PARN: variants seen among roughly 807,000 people sequenced by gnomAD.
PARN encodes the protein poly(A)-specific ribonuclease, also known as poly(A)-specific ribonuclease PARN.
A neutral mutation model predicts 102.8 loss-of-function variants in PARN; 71 were observed. The ratio of observed to expected loss-of-function variants is 0.69; its 90% CI spans 0.57 to 0.84. The LOEUF is 0.84. Among genes scored for constraint, PARN ranks in the 40% least tolerant of loss-of-function variants. PARN has a pLI of 0.00. For synonymous variants in PARN, 261 were observed against 252.9 expected (o/e 1.03, Z -0.30); for missense variants, 782 against 760.9 (o/e 1.03, Z -0.33).
At chr16:14,587,840 T>C (rs935481273) in intron 13 of PARN, among the ~76,000 whole-genome samples, 1 of 152,256 alleles carries the variant, frequency 6.6e-6, no homozygotes, top group African/African-American at 2.4e-5. Context: ...TTGCTCTTTC[T>C]ACCAGAATTT....
At position 14,604,214 on chromosome 16, in the gene PARN, T is replaced by C. The variant is rs369822304; in HGVS notation, c.715A>G (p.Ile239Val). The C allele has an allele frequency of 1.3e-6, 2 of 1,585,258 alleles. No individual in the cohort carries two copies. The highest frequency in any genetic ancestry group is 1.7e-6 in the Non-Finnish European group (2 of 1,160,564). ...TCTTCATCTACTTTGCTGATAACTATATATCGCTCCTTCTAAAAGACATAA... is the reference window on the plus strand; with the variant it reads ...TCTTCATCTACTTTGCTGATAACTACATATCGCTCCTTCTAAAAGACATAA... ...TLETEKKERY[I>V]VISKVDEEER... The change falls in exon 11 of 24, where the codon ATA becomes GTA. Residue 239 changes from isoleucine to valine, a missense_variant. Coordinates refer to ENST00000437198, the MANE Select transcript of PARN (RefSeq NM_002582.4).
chr16:14,453,081 A>G (rs1315745500), intron 22 of PARN, among the ~76,000 whole-genome samples: 1 of 152,214 alleles, frequency 6.6e-6, no homozygotes, highest in African/African-American at 2.4e-5. Flanking sequence ...ACAATCTCCC[A>G]TTTGTATGAC....
intron 6 of PARN, among the ~76,000 whole-genome samples, chr16:14,613,664 T>C (rs747107994): frequency 3.9e-5 from 6 of 151,970 alleles, no homozygotes; most frequent in Non-Finnish European, 7.4e-5. Flanking sequence ...AAGGAATTTG[T>C]AGAAAGAACA....
intron 9 of PARN, 157 bp downstream of exon 9, chr16:14,608,124 A>G (rs903242227): frequency 1.6e-6 from 1 of 642,072 alleles, no homozygotes; most frequent in Admixed American, 3.3e-5. Flanking sequence ...AAAGAAAATT[A>G]AGTGAGTATT....
At chr16:14,495,975 G>C (rs986887767) in intron 21 of PARN, among the ~76,000 whole-genome samples, 5 of 152,214 alleles carry the variant, frequency 3.3e-5, no homozygotes, top group African/African-American at 1.2e-4. Flanking sequence ...AAGACAGGAA[G>C]AGCAGAAGAG....
At chr16:14,512,512 C>G (rs921981068) in intron 21 of PARN, among the ~76,000 whole-genome samples, 2 of 152,048 alleles carry the variant, frequency 1.3e-5, no homozygotes, top group African/African-American at 4.8e-5. Flanking sequence ...AAAATCATCT[C>G]ACCCAACCTG....
rs533513903 is a variant in PARN, at chr16:14,588,258, C to CA, written c.919-1898dup. Among the ~76,000 whole-genome samples, 267 of 152,288 alleles carry CA rather than the reference C, an allele frequency of 1.8e-3. 3 individuals are homozygous for CA. Among genetic ancestry groups the CA allele is most frequent in the African/African-American group, 6.2e-3 (258 of 41,576 alleles). On this transcript the variant is annotated intron_variant, in intron 13 of 23. Transcript: ENST00000437198. ...AGCACCTCTTAGGGAACAAATAAGTCAGTCTTGGAAAAAGGAGAGCAACAA... is the reference window on the plus strand; with the variant it reads ...AGCACCTCTTAGGGAACAAATAAGTCAAGTCTTGGAAAAAGGAGAGCAACAA...
intron 5 of PARN, among the ~76,000 whole-genome samples, chr16:14,625,948 T>C (rs577250592): frequency 2.0e-5 from 3 of 152,272 alleles, no homozygotes; most frequent in Admixed American, 6.5e-5. Flanking sequence ...ATTCTCCTTA[T>C]CCATTACAAC....
chr16:14,441,794 A>C (rs1960953137), intron 23 of PARN, among the ~76,000 whole-genome samples: 1 of 152,210 alleles, frequency 6.6e-6, no homozygotes, highest in Admixed American at 6.5e-5. Flanking sequence ...CTGGTCTCTC[A>C]GGTGACCGAC....
At chr16:14,571,507 A>G (rs1968810078) in intron 18 of PARN, among the ~76,000 whole-genome samples, 1 of 152,098 alleles carries the variant, frequency 6.6e-6, no homozygotes, top group Non-Finnish European at 1.5e-5. Flanking sequence ...TTTTTGCGGG[A>G]GGTCTCCTCT....
At chr16:14,488,487 G>A (rs1370259025) in intron 21 of PARN, among the ~76,000 whole-genome samples, 2 of 152,174 alleles carry the variant, frequency 1.3e-5, no homozygotes, top group Non-Finnish European at 2.9e-5. Context: ...ACATTCAACT[G>A]ACAGGATTAG....
At chr16:14,508,477 A>C (rs1294844073) in intron 21 of PARN, among the ~76,000 whole-genome samples, 2 of 152,200 alleles carry the variant, frequency 1.3e-5, no homozygotes, top group African/African-American at 4.8e-5. Flanking sequence ...GATTTTTGTT[A>C]TTATAGTGAC....
At chr16:14,600,015 G>T in intron 11 of PARN, 55 bp from the exon 12 acceptor site, 2 of 1,013,328 alleles carry the variant, frequency 2.0e-6, no homozygotes, top group Non-Finnish European at 2.8e-6. Flanking sequence ...TTCCTTATGT[G>T]AATTAAAAAA....
At chr16:14,455,828 G>A (rs895324694) in intron 22 of PARN, among the ~76,000 whole-genome samples, 36 of 152,148 alleles carry the variant, frequency 2.4e-4, no homozygotes, top group Admixed American at 7.9e-4. Context: ...CTGAAATGAC[G>A]ACCTTAATCT....
intron 21 of PARN, among the ~76,000 whole-genome samples, chr16:14,520,694 T>C (rs1596562881): frequency 6.8e-6 from 1 of 146,748 alleles, no homozygotes; most frequent in African/African-American, 2.5e-5. Flanking sequence ...AGTGAAACCC[T>C]GTCTCAAAAA....
chr16:14,608,412 A>G (rs1408549414), intron 8 of PARN, 93 bp from the exon 9 acceptor site: 1 of 819,322 alleles, frequency 1.2e-6, no homozygotes, highest in Non-Finnish European at 2.0e-6. Context: ...CGCTTTAAAA[A>G]GAGACTTCAT....
intron 5 of PARN, among the ~76,000 whole-genome samples, chr16:14,623,464 A>C (rs1012221505): frequency 5.9e-5 from 9 of 151,864 alleles, no homozygotes; most frequent in African/African-American, 2.2e-4. Context: ...TGGTGAGCCA[A>C]GATCGCACCA....
intron 21 of PARN, among the ~76,000 whole-genome samples, chr16:14,543,881 G>A (rs1170326915): frequency 6.6e-6 from 1 of 152,160 alleles, no homozygotes; most frequent in Non-Finnish European, 1.5e-5. Flanking sequence ...TTAAATTTCA[G>A]AGTCAACAGA....
At chr16:14,445,290 T>C (rs1961147189) in intron 23 of PARN, among the ~76,000 whole-genome samples, 1 of 152,214 alleles carries the variant, frequency 6.6e-6, no homozygotes, top group African/African-American at 2.4e-5. Context: ...GTGACATTTT[T>C]GCTACTTGTC....
Sources: gnomAD v4.1 joint callset for allele counts (sites outside exome capture counted in the v4.1 genomes callset) on GRCh38, gnomAD v4.1.1 for gene constraint, MANE v1.5 for transcripts, NCBI Gene and HGNC (gene_info 2026-07-23, HGNC 2026-07-21) for gene names.